Variants in GRIK1 observed in about 807,000 individuals in gnomAD.
GRIK1 encodes the protein glutamate receptor ionotropic, kainate 1.
Under a neutral mutation model 105.7 loss-of-function variants are expected in GRIK1, and 69 were observed. The ratio of observed to expected loss-of-function variants is 0.65; its 90% confidence interval spans 0.54 to 0.80. The LOEUF (loss-of-function observed/expected upper bound fraction) is 0.80, where lower values mean the gene tolerates loss of function less well. Ranked by LOEUF, GRIK1 falls within the 30% of genes least tolerant of loss-of-function variation. GRIK1 has a pLI of 0.00. For missense variants in GRIK1, 1,109 were observed against 1,167.3 expected, an observed-to-expected ratio of 0.95 and a Z score of 0.73; for synonymous variants, 438 against 431.3, an observed-to-expected ratio of 1.02 and a Z score of -0.19.
chr21:29,568,027 T>G (rs1042890839), intron 14 of GRIK1, among the ~76,000 whole-genome samples: 18 of 152,226 alleles, frequency 1.2e-4, no homozygotes. Context: ...ATGGATTCCC[T>G]TTAGAAAATT....
chr21:29,543,632 T>A (rs938273002), intron 16 of GRIK1, among the ~76,000 whole-genome samples: 1 of 152,188 alleles, frequency 6.6e-6, no homozygotes, highest in Non-Finnish European at 1.5e-5. Context: ...AGGTTGAGTG[T>A]TGATCACCAT....
At chr21:29,843,007 T>C (rs1371750796) in intron 1 of GRIK1, among the ~76,000 whole-genome samples, 1 of 152,218 alleles carries the variant, frequency 6.6e-6, no homozygotes, top group Non-Finnish European at 1.5e-5. Context: ...ATCCAATTAT[T>C]TGTTTACCTT....
chr21:29,540,129 C>G (rs2089945449), intron 16 of GRIK1, among the ~76,000 whole-genome samples: 1 of 152,166 alleles, frequency 6.6e-6, no homozygotes, highest in Non-Finnish European at 1.5e-5. Flanking sequence ...ATTGAAACCT[C>G]TTTTCCCTAT....
intron 1 of GRIK1, among the ~76,000 whole-genome samples, chr21:29,922,780 G>A (rs1047350225): frequency 6.6e-6 from 1 of 151,994 alleles, no homozygotes; most frequent in Non-Finnish European, 1.5e-5. Context: ...TTCTTTATTG[G>A]GTCATGCATT....
At chr21:29,611,217 G>A (rs1407251319) in intron 7 of GRIK1, among the ~76,000 whole-genome samples, 1 of 152,122 alleles carries the variant, frequency 6.6e-6, no homozygotes, top group Non-Finnish European at 1.5e-5. Flanking sequence ...ATTGTCTAAG[G>A]TCAAGACTAT....
chr21:29,541,573 G>GTTTTTTTTTTTTTTTT (rs1202014711), intron 16 of GRIK1, among the ~76,000 whole-genome samples: 14 of 83,722 alleles, frequency 1.7e-4, no homozygotes, highest in African/African-American at 8.8e-4. Context: ...TGCACTCACG[G>GTTTTTTTTTTTTTTTT]TCTTTTTTTT....
chr21:29,848,779 A>ATATATATATATATATATTTTTT, intron 1 of GRIK1, among the ~76,000 whole-genome samples: 8 of 77,858 alleles, frequency 1.0e-4, no homozygotes, highest in African/African-American at 4.7e-4. Flanking sequence ...ATATATATAT[A>ATATATATATATATATATTTTTT]TTTTTTTTTT....
chr21:29,728,491 C>A (rs756933530), intron 1 of GRIK1, among the ~76,000 whole-genome samples: 1 of 152,076 alleles, frequency 6.6e-6, no homozygotes, highest in Non-Finnish European at 1.5e-5. Context: ...GTGGATGAGA[C>A]CCATGAGCAA....
intron 1 of GRIK1, among the ~76,000 whole-genome samples, chr21:29,727,521 C>A (rs1223230299): frequency 1.3e-5 from 2 of 152,146 alleles, no homozygotes; most frequent in Non-Finnish European, 2.9e-5. Flanking sequence ...AGGGCCAGGC[C>A]ACCCATGGTG....
chr21:29,861,085 T>A (rs1484852838), intron 1 of GRIK1, among the ~76,000 whole-genome samples: 2 of 152,154 alleles, frequency 1.3e-5, no homozygotes, highest in Non-Finnish European at 2.9e-5. Context: ...TCATTGAAAT[T>A]TTTTGCAAAG....
chr21:29,644,247 G>A (rs900926315), intron 6 of GRIK1, among the ~76,000 whole-genome samples: 8 of 152,034 alleles, frequency 5.3e-5, no homozygotes, highest in Non-Finnish European at 8.8e-5. Flanking sequence ...TTATTATTCT[G>A]TTCAATCTTT....
At chr21:29,584,192 T>G (rs763093582) in intron 12 of GRIK1, among the ~76,000 whole-genome samples, 17 of 152,166 alleles carry the variant, frequency 1.1e-4, no homozygotes, top group Admixed American at 1.3e-4. Context: ...CACAGTAGGC[T>G]GCATTGAGGA....
At chr21:29,693,826 G>A in intron 2 of GRIK1, 70 bp downstream of exon 2, 1 of 1,150,532 alleles carries the variant, frequency 8.7e-7, no homozygotes, top group Non-Finnish European at 1.3e-6. Context: ...AGGGCAGGTA[G>A]CAAAAAGAAG....
At chr21:29,693,574 C>A (rs1337592245) in intron 2 of GRIK1, among the ~76,000 whole-genome samples, 1 of 151,998 alleles carries the variant, frequency 6.6e-6, no homozygotes, top group Non-Finnish European at 1.5e-5. Context: ...TTGACTGCAC[C>A]GCACGATTTC....
Position 29,589,165 on chromosome 21 carries a change from T to C in GRIK1, c.1366-123A>G, listed in dbSNP as rs1289495804. On this transcript the variant is annotated intron_variant, in intron 10 of 17. Transcript: ENST00000327783. ...TGAAGAGCTGAGAGTACTGAAGTCA[T>C]TCACTCATCTGCCTGCCTATGTCCT... 7.9e-6 allele frequency: 5 copies of C among 632,152 alleles called. No individual in the cohort carries two copies. In the African/African-American group the frequency reaches 9.2e-5, roughly 12 times the overall value. The allele number at this position is 632,152 out of a possible 1,614,324, so 39.2% of individuals were successfully genotyped here.
chr21:29,904,612 G>T (rs460875), intron 1 of GRIK1, among the ~76,000 whole-genome samples: 2 of 151,952 alleles, frequency 1.3e-5, no homozygotes, highest in African/African-American at 4.8e-5. Context: ...GGGTTGCAAT[G>T]ATTTTACATG....
At chr21:29,690,911 T>A (rs1448013215) in intron 2 of GRIK1, among the ~76,000 whole-genome samples, 1 of 152,250 alleles carries the variant, frequency 6.6e-6, no homozygotes, top group African/African-American at 2.4e-5. Flanking sequence ...ATTACTTTCT[T>A]TAACACTATA....
At chr21:29,762,270 C>T (rs1049588777) in intron 1 of GRIK1, among the ~76,000 whole-genome samples, 12 of 152,184 alleles carry the variant, frequency 7.9e-5, no homozygotes, top group Admixed American at 3.3e-4. Context: ...GCATCATCAT[C>T]GTAAGGTGCC....
chr21:29,901,766 A>G (rs182308025), intron 1 of GRIK1, among the ~76,000 whole-genome samples: 1 of 152,362 alleles, frequency 6.6e-6, no homozygotes, highest in South Asian at 2.1e-4. Context: ...ATCAATAGAA[A>G]AAAGAGGGAA....
Sources: gnomAD v4.1 joint callset for allele counts (sites outside exome capture counted in the v4.1 genomes callset) on GRCh38, gnomAD v4.1.1 for gene constraint, MANE v1.5 for transcripts, NCBI Gene and HGNC (gene_info 2026-07-23, HGNC 2026-07-21) for gene names.